Variants in PRR35 observed in about 807,000 individuals in gnomAD.
PRR35 encodes the protein proline rich 35, also known as proline-rich protein 35.
A neutral mutation model predicts 18.6 loss-of-function variants in PRR35; 14 were observed. The observed-to-expected ratio is 0.75, with a 90% CI of 0.50 to 1.18. The LOEUF (loss-of-function observed/expected upper bound fraction) is 1.18, where lower values mean the gene tolerates loss of function less well. Ranked by LOEUF, PRR35 falls within the 50% of genes most tolerant of loss-of-function variation. The probability of loss-of-function intolerance (pLI) is 0.00; values close to 1 mark genes in which losing one functional copy is unlikely to be tolerated. For synonymous variants in PRR35, 425 were observed against 378.2 expected (o/e 1.12, Z -1.43); for missense variants, 832 against 792.2 (o/e 1.05, Z -0.60).
intron 1 of PRR35, among the ~76,000 whole-genome samples, chr16:562,933 GA>G (rs2035463578): frequency 6.6e-6 from 1 of 152,032 alleles, no homozygotes; most frequent in South Asian, 2.1e-4. Flanking sequence ...GATAAACAAT[GA>G]ACACCTTTCT....
Position 564,763 on chromosome 16 carries a change from T to G in PRR35, c.1172T>G (p.Leu391Arg), listed in dbSNP as rs113355349. The change falls in exon 3 of 3, where the codon CTG becomes CGG. Residue 391 changes from leucine (L) to arginine (R), a missense_variant. Coordinates refer to ENST00000409413, the MANE Select transcript of PRR35 (RefSeq NM_145270.3). ...ETPGPEGPLP[L>R]QPRGPVPGSP... is the part of the protein sequence containing the mutation. The stretch of plus-strand genomic sequence containing the variant: ...CCCGGCCCTGAGGGCCCCCTCCCCC[T>G]GCAGCCACGGGGCCCAGTGCCAGGA... The G allele has an allele frequency of 5.2e-6, 8 of 1,538,982 alleles. No individual in the cohort carries two copies. In the East Asian group the frequency reaches 1.9e-4, roughly 37 times the overall value.
In PRR35 at chr16:564,694, T is replaced by C; in HGVS notation, c.1103T>C (p.Val368Ala). 2 of 1,532,328 alleles carry C rather than the reference T, an allele frequency of 1.3e-6. No homozygotes were observed. The highest frequency in any genetic ancestry group is 1.7e-6 in the Non-Finnish European group (2 of 1,145,696). The allele number at this position is 1,532,328 out of a possible 1,614,324, so 94.9% of individuals were successfully genotyped here. A position where few individuals can be genotyped will look rare whatever the true frequency, so the allele number is the denominator to read the frequency against. Residue 368 changes from valine to alanine, a missense_variant, in exon 3 of 3, where the codon GTG (valine) becomes GCG (alanine). Transcript: ENST00000409413. ...CACAGCCTGCCCACCGGCTCCTCTG[T>C]GATGCTGTGGCCTGAGGACGGGGAT... is the stretch of plus-strand genomic sequence containing the variant. ...SRSSLPTGSS[V>A]MLWPEDGDPG...
intron 1 of PRR35, 88 bp from the exon 2 acceptor site, chr16:563,168 A>G (rs12597975): frequency 0.52 from 677,398 of 1,300,558 alleles, 179,382 homozygotes; most frequent in South Asian, 0.74. Context: ...CCCAGGCTCC[A>G]GTCCCTGGAG....
chr16:564,728 C>T lies in PRR35; in HGVS notation c.1137C>T (p.Gly379=), dbSNP rs1012544000. The change falls in exon 3 of 3, where the codon GGC becomes GGT. Residue 379 remains glycine (G), a synonymous_variant. Transcript: ENST00000409413. Reference sequence around the variant, plus strand: ...GGCCTGAGGACGGGGATCCAGGCGGCCCTGAGACCCCCGGCCCTGAGGGCC... The same window carrying T: ...GGCCTGAGGACGGGGATCCAGGCGGTCCTGAGACCCCCGGCCCTGAGGGCC... ...MLWPEDGDPG[G]PETPGPEGPL... 4.6e-6 allele frequency: 7 copies of T among 1,534,060 alleles called. No homozygotes were observed. In the African/African-American group the frequency reaches 8.2e-5, roughly 18 times the overall value.
chr16:560,534 C>G lies in PRR35; in HGVS notation c.-167C>G. 1 of 982,958 alleles carries G rather than the reference C, an allele frequency of 1.0e-6. No homozygotes were observed. Among genetic ancestry groups the G allele is most frequent in the Non-Finnish European group, 1.2e-6 (1 of 828,902 alleles). The allele number at this position is 982,958 out of a possible 1,614,324, so 60.9% of individuals were successfully genotyped here. On this transcript the variant is annotated 5_prime_UTR_variant, in exon 1 of 3. Coordinates refer to ENST00000409413, the MANE Select transcript of PRR35 (RefSeq NM_145270.3). ...CAGTTTCCCCCACGGGAGCCGCATC[C>G]CACCCCCAGAGCCCCAGCGCGTCCG... is the stretch of plus-strand genomic sequence containing the variant.
intron 1 of PRR35, among the ~76,000 whole-genome samples, chr16:561,007 T>TGGG (rs551802494): frequency 0.019 from 2,776 of 148,584 alleles, 93 homozygotes; most frequent in African/African-American, 0.067. Context: ...TCCTGCCCTG[T>TGGG]GGGGGTGCCT....
chr16:563,378 G>C lies in PRR35; in HGVS notation c.84G>C (p.Pro28=). 1 of 1,612,332 alleles carries C rather than the reference G, an allele frequency of 6.2e-7. No individual in the cohort carries two copies. The highest frequency in any genetic ancestry group is 8.5e-7 in the Non-Finnish European group (1 of 1,179,676). The part of the protein sequence containing the change: ...SRKPKKPHYI[P]RPWGKPYNYK... ...AGCCCAAGAAGCCACACTACATCCCGCGGCCCTGGGGCAAACCCTACAACT... is the reference window on the plus strand; with the variant it reads ...AGCCCAAGAAGCCACACTACATCCCCCGGCCCTGGGGCAAACCCTACAACT... Residue 28 remains proline (P), a synonymous_variant, in exon 2 of 3, where the codon CCG becomes CCC. Coordinates refer to ENST00000409413, the MANE Select transcript of PRR35 (RefSeq NM_145270.3).
chr16:562,166 C>T (rs1051048092), intron 1 of PRR35, among the ~76,000 whole-genome samples: 4 of 152,214 alleles, frequency 2.6e-5, no homozygotes, highest in Non-Finnish European at 5.9e-5. Flanking sequence ...GTGTGGCGCG[C>T]ATACCAGCGC....
Position 564,048 on chromosome 16 carries a change from G to A in PRR35, c.754G>A (p.Val252Met), listed in dbSNP as rs769717739. Residue 252 changes from valine (V) to methionine (M), a missense_variant, in exon 2 of 3, where the codon GTG becomes ATG. This residue lies in a region of PRR35 where 768 missense variants were observed against 704.1 expected (regional missense o/e 1.09). Transcript: ENST00000409413. ...LLPPATAFPA[V>M]QPPQRPTPAP... The stretch of plus-strand genomic sequence containing the variant: ...GCCCCCGGCCACGGCCTTCCCAGCC[G>A]TGCAGCCCCCTCAGCGCCCCACCCC... The A allele has an allele frequency of 1.6e-5, 25 of 1,543,098 alleles. No homozygotes were observed. Among genetic ancestry groups the A allele is most frequent in the East Asian group, 2.4e-5 (1 of 41,852 alleles).
At chr16:559,947 G>A (rs2035406783), upstream of PRR35, among the ~76,000 whole-genome samples, 1 of 152,186 alleles carries the variant, frequency 6.6e-6, no homozygotes, top group Non-Finnish European at 1.5e-5. Context: ...CCTGGCTCGG[G>A]TGGGCCGGCG....
chr16:565,495 C>A lies in PRR35; in HGVS notation c.*188C>A. 1.8e-6 allele frequency: 1 copy of A among 562,568 alleles called. No individual in the cohort carries two copies. Among genetic ancestry groups the A allele is most frequent in the Non-Finnish European group, 2.8e-6 (1 of 350,958 alleles). 34.8% of individuals were successfully genotyped at this position (562,568 alleles called of 1,614,324 possible). On this transcript the variant is annotated 3_prime_UTR_variant, in exon 3 of 3. Coordinates refer to ENST00000409413, the MANE Select transcript of PRR35 (RefSeq NM_145270.3). ...CTGGAGGTCACAGTTATTTATTGAT[C>A]ACAATTGTGGACATTAAAACAGAAA...
Position 564,215 on chromosome 16 carries a change from A to G in PRR35, c.921A>G (p.Pro307=). ...CTGGCCTGCTGAAGGTGCCAGTTCCAGGGCTGGGGCCCTGGCCCCGAGTCA... is the reference window on the plus strand; with the variant it reads ...CTGGCCTGCTGAAGGTGCCAGTTCCGGGGCTGGGGCCCTGGCCCCGAGTCA... ...PAPGLLKVPV[P]GLGPWPRVTP... The change falls in exon 2 of 3, where the codon CCA becomes CCG. Residue 307 remains proline (P), a synonymous_variant. Transcript: ENST00000409413. 2 of 1,569,972 alleles carry G rather than the reference A, an allele frequency of 1.3e-6. No homozygotes were observed. The highest frequency in any genetic ancestry group is 1.8e-5 in the Admixed American group (1 of 54,628).
Position 565,498 on chromosome 16 carries a change from A to G in PRR35, c.*191A>G. Reference sequence around the variant, plus strand: ...GAGGTCACAGTTATTTATTGATCACAATTGTGGACATTAAAACAGAAACTG... The same window carrying G: ...GAGGTCACAGTTATTTATTGATCACGATTGTGGACATTAAAACAGAAACTG... On this transcript the variant is annotated 3_prime_UTR_variant, in exon 3 of 3. Coordinates refer to ENST00000409413, the MANE Select transcript of PRR35 (RefSeq NM_145270.3). The G allele has an allele frequency of 1.9e-6, 1 of 534,968 alleles. No homozygotes were observed. Among genetic ancestry groups the G allele is most frequent in the Non-Finnish European group, 3.0e-6 (1 of 331,656 alleles). 33.1% of individuals were successfully genotyped at this position (534,968 alleles called of 1,614,324 possible). A position where few individuals can be genotyped will look rare whatever the true frequency, so the allele number is the denominator to read the frequency against.
rs199532631 is a variant in PRR35 at position 564,703 on chromosome 16, G to C, written c.1112G>C (p.Trp371Ser). Residue 371 changes from tryptophan to serine, a missense_variant, in exon 3 of 3, where the codon TGG becomes TCG. This residue lies in a region of PRR35 where 768 missense variants were observed against 704.1 expected (regional missense o/e 1.09). Coordinates refer to ENST00000409413, the MANE Select transcript of PRR35 (RefSeq NM_145270.3). ...CCCACCGGCTCCTCTGTGATGCTGT[G>C]GCCTGAGGACGGGGATCCAGGCGGC... ...SLPTGSSVML[W>S]PEDGDPGGPE... is the part of the protein sequence containing the mutation. 4,317 of 1,533,152 alleles carry C rather than the reference G, an allele frequency of 2.8e-3. 12 individuals carry two copies. The highest frequency in any genetic ancestry group is 3.6e-3 in the Non-Finnish European group (4,167 of 1,146,194). 95.0% of individuals were successfully genotyped at this position (1,533,152 alleles called of 1,614,324 possible).
Position 565,103 on chromosome 16 carries a change from G to A in PRR35, c.1512G>A (p.Leu504=), listed in dbSNP as rs1274810904. The A allele has an allele frequency of 7.5e-6, 12 of 1,597,028 alleles. No individual in the cohort carries two copies. Among genetic ancestry groups the A allele is most frequent in the Non-Finnish European group, 1.0e-5 (12 of 1,171,104 alleles). Residue 504 remains leucine (L), a synonymous_variant, in exon 3 of 3, where the codon CTG becomes CTA. Coordinates refer to ENST00000409413, the MANE Select transcript of PRR35 (RefSeq NM_145270.3). The part of the protein sequence containing the change: ...TGGTPEPPGM[L]GPAAPQPFSG... ...GCACCCCCGAGCCACCCGGCATGCT[G>A]GGCCCTGCAGCGCCCCAACCCTTCT... is the stretch of plus-strand genomic sequence containing the variant.
intron 1 of PRR35, 49 bp downstream of exon 1, chr16:560,710 CG>C (rs2035418649): frequency 4.1e-6 from 4 of 974,262 alleles, no homozygotes; most frequent in Middle Eastern, 5.3e-4. Context: ...GTCGCGGGGC[CG>C]GCTGGACGCG....
At chr16:561,810 T>C (rs1487544910) in intron 1 of PRR35, 1 of 985,012 alleles carries the variant, frequency 1.0e-6, no homozygotes, top group Non-Finnish European at 1.2e-6. Flanking sequence ...GCGTGTGTCC[T>C]GGGGAGTCGG....
At position 564,728 on chromosome 16, in the gene PRR35, C is replaced by A; in HGVS notation, c.1137C>A (p.Gly379=). The A allele has an allele frequency of 1.3e-6, 2 of 1,534,178 alleles. No individual in the cohort carries two copies. Among genetic ancestry groups the A allele is most frequent in the South Asian group, 2.4e-5 (2 of 83,856 alleles). Residue 379 remains glycine, a synonymous_variant, in exon 3 of 3, where the codon GGC becomes GGA. Coordinates refer to ENST00000409413, the MANE Select transcript of PRR35 (RefSeq NM_145270.3). ...MLWPEDGDPG[G]PETPGPEGPL... ...GGCCTGAGGACGGGGATCCAGGCGGCCCTGAGACCCCCGGCCCTGAGGGCC... is the reference window on the plus strand; with the variant it reads ...GGCCTGAGGACGGGGATCCAGGCGGACCTGAGACCCCCGGCCCTGAGGGCC...
At chr16:561,605 C>T (rs2035436552) in intron 1 of PRR35, 2 of 420,116 alleles carry the variant, frequency 4.8e-6, no homozygotes, top group East Asian at 1.6e-4. Flanking sequence ...TGGTCAGCCT[C>T]TGCCTGCCCC....
Sources: allele counts gnomAD v4.1 joint callset (sites outside exome capture counted in the v4.1 genomes callset), GRCh38; gene constraint gnomAD v4.1.1; regional missense constraint gnomAD v4.1.1; transcripts MANE v1.5; gene names NCBI Gene and HGNC (gene_info 2026-07-23, HGNC 2026-07-21).